Variants in CRACR2A observed in about 807,000 individuals in gnomAD.
CRACR2A encodes EF-hand calcium-binding domain-containing protein 4B.
Under a neutral mutation model 90.5 loss-of-function variants are expected in CRACR2A, and 79 were observed. That is an observed-to-expected ratio of 0.87 (90% CI 0.73 to 1.05). CRACR2A has a LOEUF of 1.05. Ranked by LOEUF, CRACR2A falls within the 50% of genes least tolerant of loss-of-function variation. The probability of loss-of-function intolerance (pLI) is 0.00; values close to 1 mark genes in which losing one functional copy is unlikely to be tolerated. For synonymous variants in CRACR2A, 338 were observed against 356.7 expected, an observed-to-expected ratio of 0.95 and a Z score of 0.59; for missense variants, 823 against 897.2, an observed-to-expected ratio of 0.92 and a Z score of 1.06.
At chr12:3,623,657 GA>G (rs1465828303) in intron 17 of CRACR2A, among the ~76,000 whole-genome samples, 1 of 152,180 alleles carries the variant, frequency 6.6e-6, no homozygotes, top group Non-Finnish European at 1.5e-5. Context: ...GGGTGGGTTG[GA>G]AATGCCGAGT....
At chr12:3,751,976 C>T (rs1425939553) in intron 1 of CRACR2A, among the ~76,000 whole-genome samples, 1 of 152,174 alleles carries the variant, frequency 6.6e-6, no homozygotes, top group African/African-American at 2.4e-5. Flanking sequence ...ATGCTGATTC[C>T]ACGTGGAGCA....
At position 3,615,556 on chromosome 12, in the gene CRACR2A, C is replaced by T. The variant is rs1459558709; in HGVS notation, c.2112-117G>A. On this transcript the variant is annotated intron_variant, in intron 19 of 19. Coordinates refer to ENST00000440314, the MANE Select transcript of CRACR2A (RefSeq NM_001144958.2). ...ATCTGGGCCATATGGAGAGAACCCA[C>T]CCTCACCACGGCATCAGAGAGAGTC... The T allele has an allele frequency of 6.7e-6, 5 of 740,822 alleles. No homozygotes were observed. In the East Asian group the frequency reaches 1.1e-4, roughly 16 times the overall value. 45.9% of individuals were successfully genotyped at this position (740,822 alleles called of 1,614,324 possible).
At chr12:3,627,006 T>C (rs1292816168) in intron 17 of CRACR2A, among the ~76,000 whole-genome samples, 1 of 152,138 alleles carries the variant, frequency 6.6e-6, no homozygotes, top group Non-Finnish European at 1.5e-5. Flanking sequence ...CTGGGCCTAC[T>C]GGAGCTGGAA....
At chr12:3,717,345 C>G (rs544728838) in intron 2 of CRACR2A, among the ~76,000 whole-genome samples, 1 of 152,234 alleles carries the variant, frequency 6.6e-6, no homozygotes, top group African/African-American at 2.4e-5. Flanking sequence ...TGCTGGCCAC[C>G]AAAGCTGAAC....
At chr12:3,661,026 G>A (rs1017333824) in intron 7 of CRACR2A, among the ~76,000 whole-genome samples, 2 of 152,138 alleles carry the variant, frequency 1.3e-5, no homozygotes, top group Non-Finnish European at 2.9e-5. Flanking sequence ...TGAACATAAA[G>A]GATGGGAATA....
chr12:3,656,996 C>G (rs951012271), intron 8 of CRACR2A, among the ~76,000 whole-genome samples: 5 of 152,226 alleles, frequency 3.3e-5, no homozygotes, highest in Admixed American at 1.3e-4. Context: ...CTGCTCCTTC[C>G]CTAGGCTGGG....
intron 9 of CRACR2A, among the ~76,000 whole-genome samples, chr12:3,654,854 A>G (rs1944869254): frequency 1.3e-5 from 2 of 152,210 alleles, no homozygotes; most frequent in Admixed American, 6.5e-5. Context: ...GCAAATCTAT[A>G]TATTCCCTTT....
intron 14 of CRACR2A, among the ~76,000 whole-genome samples, chr12:3,635,708 G>A (rs1278011108): frequency 1.3e-5 from 2 of 152,120 alleles, no homozygotes; most frequent in African/African-American, 4.8e-5. Flanking sequence ...GTCTTCCCAT[G>A]TTGCTTAGGC....
At chr12:3,619,787 G>A (rs1429493164) in intron 17 of CRACR2A, among the ~76,000 whole-genome samples, 5 of 152,212 alleles carry the variant, frequency 3.3e-5, no homozygotes, top group Non-Finnish European at 7.3e-5. Context: ...ATGGACCAAG[G>A]CCATGAATGC....
Position 3,649,013 on chromosome 12 carries a change from A to G in CRACR2A, c.1047-400T>C, listed in dbSNP as rs146903938. On this transcript the variant is annotated intron_variant, in intron 10 of 19. Transcript: ENST00000440314. The stretch of plus-strand genomic sequence containing the variant: ...AACCAAACACCACATGTTCTCACTC[A>G]TAGGTGGGAATTGAACAATGAGAAC... Among the ~76,000 whole-genome samples, 16 of 151,870 alleles carry G rather than the reference A, an allele frequency of 1.1e-4. No homozygotes were observed. In the East Asian group the frequency reaches 2.3e-3, roughly 22 times the overall value.
chr12:3,735,272 G>T (rs1008699363), intron 1 of CRACR2A, among the ~76,000 whole-genome samples: 1 of 152,196 alleles, frequency 6.6e-6, no homozygotes, highest in East Asian at 1.9e-4. Flanking sequence ...TCCTGGAAAA[G>T]AGGTGAGTGC....
At chr12:3,699,957 A>G (rs1945809710) in intron 3 of CRACR2A, among the ~76,000 whole-genome samples, 1 of 152,160 alleles carries the variant, frequency 6.6e-6, no homozygotes, top group Non-Finnish European at 1.5e-5. Context: ...AAGATGTAGT[A>G]TCAGAGGCTG....
intron 3 of CRACR2A, among the ~76,000 whole-genome samples, chr12:3,703,499 G>C (rs547023274): frequency 1.4e-4 from 21 of 152,316 alleles, no homozygotes; most frequent in African/African-American, 5.1e-4. Flanking sequence ...ACATCTTTGT[G>C]ACCTTAGCTT....
chr12:3,734,340 C>A lies in CRACR2A; in HGVS notation c.-386-1130G>T, dbSNP rs241962. Among the ~76,000 whole-genome samples the A allele has an allele frequency of 9.7e-3, 1,471 of 152,112 alleles. 26 individuals carry two copies. Among genetic ancestry groups the A allele is most frequent in the African/African-American group, 0.034 (1,391 of 41,472 alleles). On this transcript the variant is annotated intron_variant, in intron 1 of 19. Transcript: ENST00000440314. Reference sequence around the variant, plus strand: ...TCATTTAATTAAGAAACATTTTTTACCCCCACTGATGTACCAGACACTTTG... The same window carrying A: ...TCATTTAATTAAGAAACATTTTTTAACCCCACTGATGTACCAGACACTTTG...
rs73243788 is a variant in CRACR2A at position 3,640,196 on chromosome 12, C to T, written c.1271+1536G>A. Among the ~76,000 whole-genome samples, 838 of 152,330 alleles carry T rather than the reference C, an allele frequency of 5.5e-3. 9 individuals are homozygous for T. Among genetic ancestry groups the T allele is most frequent in the African/African-American group, 0.019 (795 of 41,552 alleles). ...TTACCACCAAGTGCTCTCTGCCATC[C>T]GTAGGGACAGCAGCTACTTTTGTCA... On this transcript the variant is annotated intron_variant, in intron 13 of 19. Coordinates refer to ENST00000440314, the MANE Select transcript of CRACR2A (RefSeq NM_001144958.2).
intron 2 of CRACR2A, chr12:3,732,421 T>C (rs888103540): frequency 6.6e-6 from 1 of 152,426 alleles, no homozygotes; most frequent in East Asian, 1.9e-4. Context: ...TGCACTGTGC[T>C]CCCAGCTGGA....
intron 4 of CRACR2A, among the ~76,000 whole-genome samples, chr12:3,686,653 G>A (rs77916485): frequency 0.025 from 3,752 of 152,100 alleles, 58 homozygotes; most frequent in Middle Eastern, 0.075. Flanking sequence ...TTCCTCTGAG[G>A]CAGGACTGAC....
intron 2 of CRACR2A, among the ~76,000 whole-genome samples, chr12:3,721,429 A>G (rs1398973627): frequency 6.6e-6 from 1 of 151,830 alleles, no homozygotes; most frequent in Non-Finnish European, 1.5e-5. Context: ...AAAGAGAGAG[A>G]GAGCAAAAGA....
intron 19 of CRACR2A, among the ~76,000 whole-genome samples, chr12:3,616,498 C>A (rs186613253): frequency 6.6e-6 from 1 of 152,320 alleles, no homozygotes; most frequent in African/African-American, 2.4e-5. Context: ...CCCATCACAG[C>A]CCCTCTTCTT....
Sources: allele counts gnomAD v4.1 joint callset (sites outside exome capture counted in the v4.1 genomes callset), GRCh38; gene constraint gnomAD v4.1.1; transcripts MANE v1.5; gene names NCBI Gene and HGNC (gene_info 2026-07-23, HGNC 2026-07-21).